Variants in LRGUK observed in about 807,000 individuals in gnomAD.
LRGUK encodes the protein leucine-rich repeat and guanylate kinase domain-containing protein.
A neutral mutation model predicts 76.0 loss-of-function variants in LRGUK; 65 were observed. That is an observed-to-expected ratio of 0.85 (90% CI 0.70 to 1.05). LRGUK has a LOEUF of 1.05. Ranked by LOEUF, LRGUK falls within the 50% of genes least tolerant of loss-of-function variation. The probability of loss-of-function intolerance (pLI) is 0.00; values close to 1 mark genes in which losing one functional copy is unlikely to be tolerated. For synonymous variants in LRGUK, 268 were observed against 265.6 expected, an observed-to-expected ratio of 1.01 and a Z score of -0.09; for missense variants, 758 against 732.8, an observed-to-expected ratio of 1.03 and a Z score of -0.40.
intron 15 of LRGUK, among the ~76,000 whole-genome samples, chr7:134,203,782 G>A (rs1216200358): frequency 2.0e-5 from 3 of 152,258 alleles, no homozygotes; most frequent in East Asian, 1.9e-4. Context: ...TGCACTGGGC[G>A]TCGGTTCTTT....
At chr7:134,140,578 C>T (rs759270492) in intron 3 of LRGUK, among the ~76,000 whole-genome samples, 1 of 152,118 alleles carries the variant, frequency 6.6e-6, no homozygotes, top group Non-Finnish European at 1.5e-5. Context: ...CAAATCATTA[C>T]TTCTGACCTG....
chr7:134,200,719 T>C (rs1227885409), intron 14 of LRGUK, among the ~76,000 whole-genome samples: 1 of 152,220 alleles, frequency 6.6e-6, no homozygotes, highest in Admixed American at 6.5e-5. Flanking sequence ...CTCTGAAACA[T>C]GTTAAAGTAT....
In LRGUK at chr7:134,157,917, A is replaced by G. The variant is rs1225116690; in HGVS notation, c.671-118A>G. 3 of 724,136 alleles carry G rather than the reference A, an allele frequency of 4.1e-6. No homozygotes were observed. In the East Asian group the frequency reaches 7.9e-5, roughly 19 times the overall value. 44.9% of individuals were successfully genotyped at this position (724,136 alleles called of 1,614,324 possible). On this transcript the variant is annotated intron_variant, in intron 5 of 15. Coordinates refer to ENST00000645682, the Ensembl canonical transcript of LRGUK. Reference sequence around the variant, plus strand: ...TTAATACTCATCCTATATTGGGCATATAATCGTTCTTTATTTAAGCTGTGG... The same window carrying G: ...TTAATACTCATCCTATATTGGGCATGTAATCGTTCTTTATTTAAGCTGTGG...
chr7:134,154,269 A>T (rs577097079), intron 5 of LRGUK, among the ~76,000 whole-genome samples: 29 of 152,328 alleles, frequency 1.9e-4, no homozygotes, highest in African/African-American at 6.7e-4. Flanking sequence ...ATGTGTAGTG[A>T]TTTATCAGAT....
intron 15 of LRGUK, among the ~76,000 whole-genome samples, chr7:134,219,670 C>T (rs1195951997): frequency 3.9e-5 from 6 of 152,018 alleles, no homozygotes. Context: ...GCACAGGATG[C>T]ACCTCCTTTG....
In LRGUK at chr7:134,250,203, TTTC is replaced by T. The variant is rs142605045; in HGVS notation, c.2198+1133_2198+1135del. Among the ~76,000 whole-genome samples the T allele has an allele frequency of 2.0e-3, 298 of 152,292 alleles. 5 individuals are homozygous for T. In the East Asian group the frequency reaches 0.04, roughly 20 times the overall value. On this transcript the variant is annotated intron_variant, in intron 18 of 19. Coordinates refer to the LRGUK transcript ENST00000285928. ...CTCTAGAATTACCAGTTATTTTATTTTTCTTCTTTATCCTTTTTTCCTGTAACA... is the reference window on the plus strand; with the variant it reads ...CTCTAGAATTACCAGTTATTTTATTTTTCTTTATCCTTTTTTCCTGTAACA...
intron 5 of LRGUK, among the ~76,000 whole-genome samples, chr7:134,149,670 C>T (rs1304018399): frequency 2.6e-5 from 4 of 152,144 alleles, no homozygotes; most frequent in Non-Finnish European, 5.9e-5. Context: ...ACCAATATAA[C>T]ATGTTTTGTT....
chr7:134,185,132 T>C (rs1799928808), intron 11 of LRGUK, among the ~76,000 whole-genome samples: 1 of 152,212 alleles, frequency 6.6e-6, no homozygotes, highest in African/African-American at 2.4e-5. Context: ...GCAAATATTT[T>C]GCTTAGTGAT....
chr7:134,177,134 T>G lies in LRGUK; in HGVS notation c.1107+71T>G. 3 of 841,340 alleles carry G rather than the reference T, an allele frequency of 3.6e-6. No homozygotes were observed. The South Asian group carries it at 4.9e-5, about 14-fold the overall frequency. 52.1% of individuals were successfully genotyped at this position (841,340 alleles called of 1,614,324 possible). ...ATGCTCAAAAGCTCGTGTTGCCTGC[T>G]GTGGAAGCAATATAATCAATAAATA... On this transcript the variant is annotated intron_variant, in intron 9 of 15. Transcript: ENST00000645682.
chr7:134,178,934 A>AAAAAAAAAAAAAAAACCC (rs376955591), intron 10 of LRGUK, among the ~76,000 whole-genome samples: 2 of 78,132 alleles, frequency 2.6e-5, no homozygotes, highest in African/African-American at 5.3e-5. Flanking sequence ...CTCAAAAAAA[A>AAAAAAAAAAAAAAAACCC]AAAAAAAAAA....
chr7:134,142,264 G>A (rs186654359), intron 3 of LRGUK, among the ~76,000 whole-genome samples: 1 of 152,200 alleles, frequency 6.6e-6, no homozygotes, highest in Non-Finnish European at 1.5e-5. Context: ...TACTAGTAGA[G>A]ACAGGGCCAT....
chr7:134,159,057 G>T (rs1286329002), intron 6 of LRGUK, among the ~76,000 whole-genome samples: 1 of 152,106 alleles, frequency 6.6e-6, no homozygotes, highest in South Asian at 2.1e-4. Flanking sequence ...GACATCTTGG[G>T]CCATGCACTG....
At chr7:134,131,421 C>G (rs898209345) in intron 1 of LRGUK, among the ~76,000 whole-genome samples, 11 of 152,314 alleles carry the variant, frequency 7.2e-5, no homozygotes, top group African/African-American at 1.9e-4. Flanking sequence ...GTATGTCTTA[C>G]AGAGATGAGT....
At chr7:134,261,132 C>T (rs1802714750) in intron 19 of LRGUK, among the ~76,000 whole-genome samples, 1 of 152,102 alleles carries the variant, frequency 6.6e-6, no homozygotes, top group South Asian at 2.1e-4. Flanking sequence ...TTCCACGGGA[C>T]AATAAGGGTC....
chr7:134,141,538 C>A (rs1396604549), intron 3 of LRGUK: 6 of 152,286 alleles, frequency 3.9e-5, no homozygotes, highest in African/African-American at 1.2e-4. Flanking sequence ...AGACCAAGGA[C>A]TTTTTTCTGT....
chr7:134,185,443 C>T (rs543465981), intron 11 of LRGUK, among the ~76,000 whole-genome samples: 1 of 151,986 alleles, frequency 6.6e-6, no homozygotes, highest in Non-Finnish European at 1.5e-5. Context: ...CACCTGTAAT[C>T]CCAGCTGCTC....
At chr7:134,128,109 GAAAA>G (rs11291605) in intron 1 of LRGUK, among the ~76,000 whole-genome samples, 5 of 136,064 alleles carry the variant, frequency 3.7e-5, no homozygotes, top group African/African-American at 1.1e-4. Flanking sequence ...CTCCCTCCAG[GAAAA>G]AAAAAAAAAA....
the LRGUK span, among the ~76,000 whole-genome samples, chr7:134,270,389 A>T: frequency 6.6e-6 from 1 of 152,174 alleles, no homozygotes; most frequent in South Asian, 2.1e-4. Context: ...AGTGAAAAAG[A>T]ATAATATAAT....
chr7:134,174,695 A>G (rs1799411195), intron 8 of LRGUK, 59 bp downstream of exon 8: 1 of 922,114 alleles, frequency 1.1e-6, no homozygotes, highest in Non-Finnish European at 1.8e-6. Flanking sequence ...GGTGGAGGGA[A>G]ACTATCTAGG....
Sources: allele counts gnomAD v4.1 joint callset (sites outside exome capture counted in the v4.1 genomes callset), GRCh38; gene constraint gnomAD v4.1.1; transcripts MANE v1.5; gene names NCBI Gene and HGNC (gene_info 2026-07-23, HGNC 2026-07-21).